The following GRIK1 variants were observed in gnomAD, a reference collection of about 807,000 sequenced individuals.
The protein encoded by GRIK1 is glutamate receptor ionotropic, kainate 1.
In GRIK1, 69 loss-of-function variants were observed where a neutral mutation model predicts 105.7. The ratio of observed to expected loss-of-function variants is 0.65; its 90% CI spans 0.54 to 0.80. GRIK1 has a LOEUF of 0.80. Among genes scored for constraint, GRIK1 ranks in the 30% least tolerant of loss-of-function variants. The pLI, the probability that GRIK1 is intolerant of heterozygous loss-of-function variation, is 0.00. For missense variants in GRIK1, 1,109 were observed against 1,167.3 expected, an observed-to-expected ratio of 0.95 and a Z score of 0.73; for synonymous variants, 438 against 431.3, an observed-to-expected ratio of 1.02 and a Z score of -0.19.
At chr21:29,557,926 A>G (rs1331520095) in intron 15 of GRIK1, among the ~76,000 whole-genome samples, 1 of 152,168 alleles carries the variant, frequency 6.6e-6, no homozygotes, top group African/African-American at 2.4e-5. Flanking sequence ...GGTGCTCAGT[A>G]AATGTTGACT....
intron 8 of GRIK1, chr21:29,597,486 A>C (rs2061437102): frequency 3.9e-6 from 1 of 256,046 alleles, no homozygotes; most frequent in Non-Finnish European, 8.7e-6. Context: ...GGAAAGACTC[A>C]TGCTTCGAGA....
intron 5 of GRIK1, among the ~76,000 whole-genome samples, chr21:29,653,575 C>T (rs1398048293): frequency 2.0e-5 from 3 of 152,172 alleles, no homozygotes; most frequent in Non-Finnish European, 4.4e-5. Context: ...TAGAAAGTTC[C>T]GAGGCAGATG....
At chr21:29,595,738 G>C (rs1426885634) in intron 9 of GRIK1, among the ~76,000 whole-genome samples, 1 of 152,074 alleles carries the variant, frequency 6.6e-6, no homozygotes, top group African/African-American at 2.4e-5. Context: ...GAAGGAAGGA[G>C]AGGAGGAAGA....
intron 1 of GRIK1, among the ~76,000 whole-genome samples, chr21:29,792,720 T>C (rs901691917): frequency 1.3e-5 from 2 of 152,226 alleles, no homozygotes; most frequent in African/African-American, 2.4e-5. Context: ...AGGCATGGTG[T>C]GGACTCACTG....
intron 1 of GRIK1, among the ~76,000 whole-genome samples, chr21:29,880,633 A>G (rs912148578): frequency 1.3e-5 from 2 of 152,160 alleles, no homozygotes; most frequent in African/African-American, 4.8e-5. Flanking sequence ...AAATGTGCAG[A>G]TTGCCAAGTA....
At chr21:29,913,130 A>C (rs1431117085) in intron 1 of GRIK1, among the ~76,000 whole-genome samples, 2 of 152,042 alleles carry the variant, frequency 1.3e-5, no homozygotes, top group African/African-American at 4.8e-5. Flanking sequence ...AGTCCAAAGC[A>C]CCTGTGTTGC....
At chr21:29,778,385 G>T (rs923525311) in intron 1 of GRIK1, among the ~76,000 whole-genome samples, 1 of 152,140 alleles carries the variant, frequency 6.6e-6, no homozygotes, top group South Asian at 2.1e-4. Flanking sequence ...TGGTTTCTGG[G>T]AAATATTTAA....
chr21:29,896,120 G>A (rs1274580917), intron 1 of GRIK1, among the ~76,000 whole-genome samples: 2 of 152,174 alleles, frequency 1.3e-5, no homozygotes, highest in Non-Finnish European at 2.9e-5. Flanking sequence ...ATGCTGCTGA[G>A]TCTAATATGG....
At chr21:29,796,238 A>G (rs2066551890) in intron 1 of GRIK1, among the ~76,000 whole-genome samples, 2 of 152,198 alleles carry the variant, frequency 1.3e-5, no homozygotes, top group South Asian at 4.1e-4. Context: ...TGCTGACAGC[A>G]GTCATCATCT....
intron 3 of GRIK1, among the ~76,000 whole-genome samples, chr21:29,674,108 TTCAGGATTTG>T (rs2063216258): frequency 6.6e-6 from 1 of 151,808 alleles, no homozygotes; most frequent in South Asian, 2.1e-4. Context: ...GTTCTGTACC[TTCAGGATTTG>T]TCAGCTTTAG....
chr21:29,785,327 C>T (rs537238347), intron 1 of GRIK1, among the ~76,000 whole-genome samples: 1 of 152,234 alleles, frequency 6.6e-6, no homozygotes, highest in East Asian at 1.9e-4. Flanking sequence ...TTTTGGGAGG[C>T]TGAGGCGGGT....
intron 1 of GRIK1, among the ~76,000 whole-genome samples, chr21:29,812,917 C>T (rs894928140): frequency 6.6e-6 from 1 of 152,132 alleles, no homozygotes; most frequent in Non-Finnish European, 1.5e-5. Flanking sequence ...AGTATACAAA[C>T]ATAATGAATA....
intron 1 of GRIK1, among the ~76,000 whole-genome samples, chr21:29,904,182 C>A (rs115683915): frequency 4.0e-5 from 6 of 151,772 alleles, no homozygotes; most frequent in Non-Finnish European, 8.8e-5. Flanking sequence ...AGGTGACAGG[C>A]GATGGGTGCC....
At chr21:29,876,065 GTTGT>G (rs1407315565) in intron 1 of GRIK1, among the ~76,000 whole-genome samples, 5 of 150,246 alleles carry the variant, frequency 3.3e-5, no homozygotes, top group East Asian at 2.0e-4. Context: ...ACACCTAATG[GTTGT>G]TTGTTTGTTC....
rs1296287108 is a variant in GRIK1, at chr21:29,616,184, C to T, written c.1099-17247G>A. Among the ~76,000 whole-genome samples the T allele has an allele frequency of 2.6e-5, 4 of 152,182 alleles. 1 individual carries two copies. On this transcript the variant is annotated intron_variant, in intron 7 of 17. Coordinates refer to ENST00000327783, the MANE Select transcript of GRIK1 (RefSeq NM_001330994.2). ...TAGACTGTAGTGCTTAGAGACTCTT[C>T]TAACATGGAACAAAGTCTCCTTTTT...
At chr21:29,876,617 A>G (rs541815830) in intron 1 of GRIK1, among the ~76,000 whole-genome samples, 7 of 152,160 alleles carry the variant, frequency 4.6e-5, no homozygotes, top group Non-Finnish European at 1.0e-4. Flanking sequence ...TGTTGGGATT[A>G]CACCCACGTT....
At chr21:29,844,086 T>C (rs1298800449) in intron 1 of GRIK1, among the ~76,000 whole-genome samples, 1 of 152,176 alleles carries the variant, frequency 6.6e-6, no homozygotes, top group East Asian at 1.9e-4. Flanking sequence ...GTCTCCAGAG[T>C]ATGCACTCAG....
chr21:29,558,988 C>T (rs913896133), intron 15 of GRIK1, among the ~76,000 whole-genome samples: 1 of 152,054 alleles, frequency 6.6e-6, no homozygotes, highest in East Asian at 1.9e-4. Context: ...AGATGATACA[C>T]ATTGTTATTT....
chr21:29,860,282 T>A (rs1207148824), intron 1 of GRIK1, among the ~76,000 whole-genome samples: 1 of 152,176 alleles, frequency 6.6e-6, no homozygotes, highest in Non-Finnish European at 1.5e-5. Context: ...CTGGGCAGAG[T>A]TACAGCCTGC....
Sources: allele counts gnomAD v4.1 joint callset (sites outside exome capture counted in the v4.1 genomes callset), GRCh38; gene constraint gnomAD v4.1.1; transcripts MANE v1.5; gene names NCBI Gene and HGNC (gene_info 2026-07-23, HGNC 2026-07-21).